Variants in ASTN1 observed in about 807,000 individuals in gnomAD.
The protein encoded by ASTN1 is astrotactin 1.
Under a neutral mutation model 140.7 loss-of-function variants are expected in ASTN1, and 41 were observed. The observed-to-expected ratio is 0.29, with a 90% CI of 0.23 to 0.38. The LOEUF (loss-of-function observed/expected upper bound fraction) is 0.38, where lower values mean the gene tolerates loss of function less well. ASTN1 is among the 10% of genes least tolerant of loss of function. ASTN1 has a pLI of 1.00. For synonymous variants in ASTN1, 640 were observed against 652.2 expected, an observed-to-expected ratio of 0.98 and a Z score of 0.29; for missense variants, 1,479 against 1,678.8, an observed-to-expected ratio of 0.88 and a Z score of 2.08.
chr1:176,983,442 T>C (rs1673726524), intron 8 of ASTN1, among the ~76,000 whole-genome samples: 1 of 152,240 alleles, frequency 6.6e-6, no homozygotes, highest in Non-Finnish European at 1.5e-5. Flanking sequence ...CTTGTTAGAC[T>C]CGCAGTAGAT....
rs561273561 is a variant in ASTN1 at position 177,050,712 on chromosome 1, C to T, written c.471+10366G>A. Among the ~76,000 whole-genome samples the T allele has an allele frequency of 1.4e-4, 21 of 152,278 alleles. No individual in the cohort carries two copies. The East Asian group carries it at 3.5e-3, about 25-fold the overall frequency. Reference sequence around the variant, plus strand: ...ATTTTATAAGGCAAGGCTAAAAATGCTTTGTTCACCCTAAACTTTATCAGC... The same window carrying T: ...ATTTTATAAGGCAAGGCTAAAAATGTTTTGTTCACCCTAAACTTTATCAGC... On this transcript the variant is annotated intron_variant, in intron 2 of 22. Coordinates refer to ENST00000361833, the MANE Select transcript of ASTN1 (RefSeq NM_004319.3).
chr1:177,119,027 G>A (rs1681243927), intron 1 of ASTN1, among the ~76,000 whole-genome samples: 1 of 152,086 alleles, frequency 6.6e-6, no homozygotes, highest in South Asian at 2.1e-4. Flanking sequence ...TCCTTTTTGT[G>A]AGTTCTTGAA....
At chr1:177,129,795 C>T (rs1355353945) in intron 1 of ASTN1, among the ~76,000 whole-genome samples, 4 of 151,968 alleles carry the variant, frequency 2.6e-5, no homozygotes, top group South Asian at 2.1e-4. Flanking sequence ...GGTGAAACCC[C>T]GTCTCTGCTT....
intron 1 of ASTN1, among the ~76,000 whole-genome samples, chr1:177,145,358 A>C (rs1682674368): frequency 6.6e-6 from 1 of 152,168 alleles, no homozygotes; most frequent in Non-Finnish European, 1.5e-5. Context: ...TAACCATAAC[A>C]ATGTGCCTTC....
At chr1:177,149,042 A>AAT (rs1179349506) in intron 1 of ASTN1, among the ~76,000 whole-genome samples, 1 of 141,574 alleles carries the variant, frequency 7.1e-6, no homozygotes, top group Non-Finnish European at 1.5e-5. Context: ...ATATATAGTA[A>AAT]ATATATATAT....
intron 9 of ASTN1, among the ~76,000 whole-genome samples, chr1:176,964,588 T>C (rs1442189560): frequency 9.2e-5 from 14 of 152,072 alleles, no homozygotes; most frequent in Non-Finnish European, 1.5e-5. Context: ...TATTCCCAGG[T>C]ATGTAGGTAG....
intron 1 of ASTN1, among the ~76,000 whole-genome samples, chr1:177,096,297 G>C (rs12752940): frequency 0.29 from 43,631 of 152,018 alleles, 7,741 homozygotes; most frequent in Non-Finnish European, 0.4. Context: ...TAATACTTTG[G>C]GGGCTATTGG....
At chr1:177,035,874 G>A (rs1381926198) in intron 2 of ASTN1, among the ~76,000 whole-genome samples, 1 of 151,982 alleles carries the variant, frequency 6.6e-6, no homozygotes, top group Non-Finnish European at 1.5e-5. Flanking sequence ...ACTCAATTAA[G>A]AATATTTTAT....
chr1:177,100,557 G>C (rs1170450878), intron 1 of ASTN1, among the ~76,000 whole-genome samples: 1 of 152,030 alleles, frequency 6.6e-6, no homozygotes, highest in East Asian at 1.9e-4. Context: ...TCGAGAGAAA[G>C]GTTGGTGCCT....
chr1:177,056,171 TG>T (rs751772797), intron 2 of ASTN1, among the ~76,000 whole-genome samples: 2 of 152,196 alleles, frequency 1.3e-5, no homozygotes, highest in Non-Finnish European at 2.9e-5. Context: ...CTCCCATAGG[TG>T]TCTTCTGTGG....
intron 8 of ASTN1, among the ~76,000 whole-genome samples, chr1:176,967,916 T>C (rs1334459175): frequency 6.6e-6 from 1 of 151,112 alleles, no homozygotes; most frequent in African/African-American, 2.4e-5. Flanking sequence ...CCTGATCACA[T>C]TTAGAGGCAG....
chr1:176,879,908 T>A (rs1668716864), intron 20 of ASTN1, among the ~76,000 whole-genome samples: 1 of 152,202 alleles, frequency 6.6e-6, no homozygotes, highest in Admixed American at 6.5e-5. Context: ...TATTTCATCA[T>A]CATGGCCGGG....
intron 21 of ASTN1, among the ~76,000 whole-genome samples, chr1:176,870,588 T>G (rs570574319): frequency 6.6e-6 from 1 of 152,324 alleles, no homozygotes; most frequent in African/African-American, 2.4e-5. Flanking sequence ...TGAATAGAAC[T>G]TAAACCTTTG....
intron 8 of ASTN1, among the ~76,000 whole-genome samples, chr1:176,967,970 G>A (rs1018380594): frequency 5.3e-5 from 8 of 152,174 alleles, no homozygotes; most frequent in Admixed American, 2.6e-4. Flanking sequence ...AGAGGCAGGA[G>A]TGTAGTGTAG....
chr1:176,864,120 T>G lies in ASTN1; in HGVS notation c.*164A>C. On this transcript the variant is annotated 3_prime_UTR_variant, in exon 23 of 23. Coordinates refer to ENST00000361833, the MANE Select transcript of ASTN1 (RefSeq NM_004319.3). ...ATCATGCAGATGGAGAACATCATAC[T>G]GAAGAAGTTCTGCAGGGAGCAAGGA... 1 of 1,464,090 alleles carries G rather than the reference T, an allele frequency of 6.8e-7. No individual in the cohort carries two copies. The highest frequency in any genetic ancestry group is 9.0e-7 in the Non-Finnish European group (1 of 1,112,944). 90.7% of individuals were successfully genotyped at this position (1,464,090 alleles called of 1,614,324 possible). A position where few individuals can be genotyped will look rare whatever the true frequency, so the allele number is the denominator to read the frequency against.
chr1:177,052,748 T>C (rs1478086376), intron 2 of ASTN1, among the ~76,000 whole-genome samples: 1 of 152,236 alleles, frequency 6.6e-6, no homozygotes, highest in African/African-American at 2.4e-5. Flanking sequence ...CCATTCTCTA[T>C]GTTCCTTCCT....
rs534788724 is a variant in ASTN1, at chr1:177,032,681, G to A, written c.640C>T (p.Arg214Trp). Residue 214 changes from arginine (R) to tryptophan (W), a missense_variant, in exon 3 of 23, where the codon CGG (arginine) becomes TGG (tryptophan). Coordinates refer to ENST00000361833, the MANE Select transcript of ASTN1 (RefSeq NM_004319.3). ...IPSVLIGGHG[R>W]ESLRNARVQG... ...ACGCGGGCATTGCGCAGGCTCTCCC[G>A]TCCGTGCCCGCCGATCAGCACAGAA... 6.2e-7 allele frequency: 1 copy of A among 1,614,070 alleles called. No homozygotes were observed. Among genetic ancestry groups the A allele is most frequent in the Non-Finnish European group, 8.5e-7 (1 of 1,180,038 alleles).
At position 177,030,855 on chromosome 1, in the gene ASTN1, G is replaced by A; in HGVS notation, c.963C>T (p.Leu321=). ...VDSNHQQATL[L]SHTSSSQRKR... is the part of the protein sequence containing the mutation. ...TTCTCTGGCTGCTGGAGGTGTGAGAGAGAAGGGTGGCTTGCTGGTGGTTGG... is the reference window on the plus strand; with the variant it reads ...TTCTCTGGCTGCTGGAGGTGTGAGAAAGAAGGGTGGCTTGCTGGTGGTTGG... The change falls in exon 4 of 23, where the codon CTC becomes CTT. Residue 321 remains leucine, a synonymous_variant. Coordinates refer to ENST00000361833, the MANE Select transcript of ASTN1 (RefSeq NM_004319.3). 6.2e-7 allele frequency: 1 copy of A among 1,614,204 alleles called. No homozygotes were observed.
At chr1:176,884,244 G>T in intron 19 of ASTN1, 95 bp downstream of exon 19, 1 of 1,427,274 alleles carries the variant, frequency 7.0e-7, no homozygotes, top group East Asian at 2.3e-5. Flanking sequence ...TGGGATACTG[G>T]GGACCTGGAG....
Sources: allele counts gnomAD v4.1 joint callset (sites outside exome capture counted in the v4.1 genomes callset), GRCh38; gene constraint gnomAD v4.1.1; transcripts MANE v1.5; gene names NCBI Gene and HGNC (gene_info 2026-07-23, HGNC 2026-07-21).